Variants in SLC6A12 observed in about 807,000 individuals in gnomAD.
SLC6A12 encodes sodium- and chloride-dependent betaine transporter.
SLC6A12 carries 50 observed loss-of-function variants against 73.3 expected under a neutral mutation model. The observed-to-expected ratio is 0.68, with a 90% CI of 0.54 to 0.86. The LOEUF (loss-of-function observed/expected upper bound fraction) is 0.86, where lower values mean the gene tolerates loss of function less well. Ranked by LOEUF, SLC6A12 falls within the 40% of genes least tolerant of loss-of-function variation. The pLI is 0.00. For missense variants in SLC6A12, 648 were observed against 772.8 expected, an observed-to-expected ratio of 0.84 and a Z score of 1.92; for synonymous variants, 304 against 309.2, an observed-to-expected ratio of 0.98 and a Z score of 0.18.
chr12:200,166 T>G (rs536283273), intron 7 of SLC6A12, among the ~76,000 whole-genome samples: 2 of 144,272 alleles, frequency 1.4e-5, no homozygotes, highest in Non-Finnish European at 3.0e-5. Context: ...TGGAGTGCAG[T>G]GGCGCTATCT....
chr12:204,678 A>T lies in SLC6A12; in HGVS notation c.235T>A (p.Phe79Ile). Residue 79 changes from phenylalanine to isoleucine, a missense_variant, in exon 4 of 16, where the codon TTC becomes ATC. By Grantham distance (21) the Phe-to-Ile change is conservative. Transcript: ENST00000684302. The part of the protein sequence containing the change: ...NGGGAFFIPY[F>I]IFFFVCGIPV... ...ATGCCGCAGACAAAGAAGAAGATGA[A>T]GTAGGGGATGAAGAAGGCTCCTGCA... is the stretch of plus-strand genomic sequence containing the variant. 1 of 1,614,128 alleles carries T rather than the reference A, an allele frequency of 6.2e-7. No individual in the cohort carries two copies. The highest frequency in any genetic ancestry group is 8.5e-7 in the Non-Finnish European group (1 of 1,180,006).
chr12:204,218 C>T, intron 4 of SLC6A12: 1 of 268,886 alleles, frequency 3.7e-6, no homozygotes, highest in Non-Finnish European at 7.2e-6. Flanking sequence ...ACCCCGGGAG[C>T]ACCCAGAGCC....
chr12:210,371 G>T, intron 2 of SLC6A12: 1 of 1,116,976 alleles, frequency 9.0e-7, no homozygotes, highest in Non-Finnish European at 1.1e-6. Flanking sequence ...CGGCCCATCT[G>T]CCCAGGTCCT....
At chr12:203,145 G>A (rs1940386429) in intron 4 of SLC6A12, 2 of 225,380 alleles carry the variant, frequency 8.9e-6, no homozygotes, top group South Asian at 3.3e-4. Flanking sequence ...CGGCTCACTG[G>A]AACCTCCACT....
Position 213,733 on chromosome 12 carries a change from G to T in SLC6A12, c.-143+189C>A, listed in dbSNP as rs932556196. The T allele has an allele frequency of 1.3e-5, 2 of 152,554 alleles. No individual in the cohort carries two copies. Among genetic ancestry groups the T allele is most frequent in the African/African-American group, 4.8e-5 (2 of 41,460 alleles). 9.5% of individuals were successfully genotyped at this position (152,554 alleles called of 1,614,324 possible). A position where few individuals can be genotyped will look rare whatever the true frequency, so the allele number is the denominator to read the frequency against. On this transcript the variant is annotated intron_variant, in intron 1 of 15. Coordinates refer to ENST00000684302, the MANE Select transcript of SLC6A12 (RefSeq NM_001122848.3). The surrounding 1 kb of genome is among the most constrained non-coding windows in gnomAD (Gnocchi z 5.3). ...CACGCTGGATGGGGCGGAGCTAGGG[G>T]GCACCCCTTGTCCTGAGAGTCGTGG...
chr12:186,714 G>T (rs1404223598), downstream of SLC6A12, among the ~76,000 whole-genome samples: 1 of 152,234 alleles, frequency 6.6e-6, no homozygotes, highest in East Asian at 1.9e-4. Context: ...ACTCTGCCAC[G>T]TGGGCGCTGC....
rs367825245 is a variant in SLC6A12 at position 192,613 on chromosome 12, G to C, written c.1566C>G (p.Pro522=). The change falls in exon 15 of 16, where the codon CCC becomes CCG. Residue 522 remains proline (P), a synonymous_variant. Coordinates refer to ENST00000684302, the MANE Select transcript of SLC6A12 (RefSeq NM_001122848.3). ...ACACATAGACGTTGTTGTACTTGAGGGGGGTGTACTTGCTCAAGGAGAAGA... is the reference window on the plus strand; with the variant it reads ...ACACATAGACGTTGTTGTACTTGAGCGGGGTGTACTTGCTCAAGGAGAAGA... ...TFLFSLSKYT[P]LKYNNVYVYP... 3.7e-5 allele frequency: 60 copies of C among 1,614,018 alleles called. No homozygotes were observed. The highest frequency in any genetic ancestry group is 2.2e-4 in the Admixed American group (13 of 60,006).
chr12:194,302 C>G (rs1939759805), intron 13 of SLC6A12, among the ~76,000 whole-genome samples: 1 of 152,222 alleles, frequency 6.6e-6, no homozygotes, highest in Admixed American at 6.5e-5. Flanking sequence ...GGAACGTCTC[C>G]ATGGAGAGGA....
In SLC6A12 at chr12:197,385, G is replaced by A. The variant is rs1939975101; in HGVS notation, c.1067C>T (p.Ala356Val). 1 of 1,612,766 alleles carries A rather than the reference G, an allele frequency of 6.2e-7. No individual in the cohort carries two copies. Among genetic ancestry groups the A allele is most frequent in the East Asian group, 2.2e-5 (1 of 44,790 alleles). Reference protein sequence around the residue: ...QEQGVPISEVAESGPGLAFIA... With the variant: ...QEQGVPISEVVESGPGLAFIA... ...AGCAAAGTGGCACCTACCTGACTCG[G>A]CCACTTCAGAAATGGGCACCCCTTG... Residue 356 changes from alanine (A) to valine (V), a missense_variant, in exon 10 of 16, where the codon GCC (alanine) becomes GTC (valine). By Grantham distance (64) the Ala-to-Val change is moderately conservative. Coordinates refer to ENST00000684302, the MANE Select transcript of SLC6A12 (RefSeq NM_001122848.3).
Position 190,507 on chromosome 12 carries a change from T to C in SLC6A12, c.*561A>G, listed in dbSNP as rs1405738786. The C allele has an allele frequency of 6.6e-6, 1 of 152,196 alleles. No individual in the cohort carries two copies. The highest frequency in any genetic ancestry group is 1.5e-5 in the Non-Finnish European group (1 of 68,048). The allele number at this position is 152,196 out of a possible 1,614,324, so 9.4% of individuals were successfully genotyped here. On this transcript the variant is annotated 3_prime_UTR_variant, in exon 16 of 16. Coordinates refer to ENST00000684302, the MANE Select transcript of SLC6A12 (RefSeq NM_001122848.3). ...GCGGAACTAGGGCAGGAGCTGGAGA[T>C]GCCATGAGAGACTCGGAGGAAACTC...
intron 7 of SLC6A12, 27 bp downstream of exon 7, chr12:200,624 A>C: frequency 6.2e-7 from 1 of 1,610,368 alleles, no homozygotes; most frequent in South Asian, 1.1e-5. Context: ...GGCCAAAGGG[A>C]GCTTCCCAGG....
downstream of SLC6A12, among the ~76,000 whole-genome samples, chr12:186,049 C>G (rs7979093): frequency 0.11 from 16,589 of 152,170 alleles, 1,677 homozygotes; most frequent in African/African-American, 0.27. Flanking sequence ...ACAGCAAGGA[C>G]AGGGTGAGCC....
rs767747563 is a variant in SLC6A12 at position 195,278 on chromosome 12, ATGCCAC to A, written c.1370_1375del (p.Ser457_Gly458del). The A allele has an allele frequency of 5.6e-6, 9 of 1,613,716 alleles. No individual in the cohort carries two copies. Among genetic ancestry groups the A allele is most frequent in the Non-Finnish European group, 7.6e-6 (9 of 1,179,666 alleles). On this transcript the variant is annotated inframe_deletion, in exon 13 of 16. Coordinates refer to ENST00000684302, the MANE Select transcript of SLC6A12 (RefSeq NM_001122848.3). ...AAACAATGACAGGAACAGCAGGCAT[ATGCCAC>A]TGGAAGCATAGTAGTCAAACAGCTG...
In SLC6A12 at chr12:202,868, GCCAGACCAATGCCTT is replaced by G; in HGVS notation, c.350-3_361del. On this transcript the variant is annotated splice_acceptor_variant and splice_polypyrimidine_tract_variant and coding_sequence_variant and intron_variant, in exon 5 of 16. Coordinates refer to ENST00000684302, the MANE Select transcript of SLC6A12 (RefSeq NM_001122848.3). LOFTEE classifies it high-confidence loss of function. ...CAAATATGACTCGATGACCACAGAT[GCCAGACCAATGCCTT>G]CCAGAGTGGGGGAGAGATGGGGAGG... The G allele has an allele frequency of 6.2e-7, 1 of 1,613,856 alleles. No individual in the cohort carries two copies. The highest frequency in any genetic ancestry group is 8.5e-7 in the Non-Finnish European group (1 of 1,179,914).
At chr12:187,541 C>A (rs569363633), downstream of SLC6A12, among the ~76,000 whole-genome samples, 15 of 135,570 alleles carry the variant, frequency 1.1e-4, no homozygotes, top group African/African-American at 3.9e-4. Context: ...CTCATAAAGG[C>A]AGAGTAGACC....
At chr12:188,996 G>C (rs1461634776), downstream of SLC6A12, among the ~76,000 whole-genome samples, 2 of 152,222 alleles carry the variant, frequency 1.3e-5, no homozygotes, top group African/African-American at 2.4e-5. Context: ...GCTAAAGCCA[G>C]GGGGTCTGGG....
intron 4 of SLC6A12, 190 bp downstream of exon 4, chr12:204,374 C>T: frequency 1.6e-6 from 1 of 621,096 alleles, no homozygotes; most frequent in South Asian, 1.9e-5. Flanking sequence ...AGGGTCCCAG[C>T]TTGCTCGGGA....
At chr12:187,611 A>AC, downstream of SLC6A12, among the ~76,000 whole-genome samples, 1 of 15,914 alleles carries the variant, frequency 6.3e-5, no homozygotes, top group African/African-American at 9.5e-5. Context: ...AAAAAAAAAA[A>AC]AAAAAAAAAA....
At position 190,890 on chromosome 12, in the gene SLC6A12, G is replaced by T; in HGVS notation, c.*178C>A. On this transcript the variant is annotated 3_prime_UTR_variant, in exon 16 of 16. Coordinates refer to ENST00000684302, the MANE Select transcript of SLC6A12 (RefSeq NM_001122848.3). The stretch of plus-strand genomic sequence containing the variant: ...GGTGGTGTTATCAGCAAAGGGGAAG[G>T]AGCTGCTCCAGCTAGCACAAGAGAG... The T allele has an allele frequency of 2.3e-6, 1 of 429,346 alleles. No homozygotes were observed. The highest frequency in any genetic ancestry group is 3.9e-6 in the Non-Finnish European group (1 of 256,504). 26.6% of individuals were successfully genotyped at this position (429,346 alleles called of 1,614,324 possible).
Sources: gnomAD v4.1 joint callset for allele counts (sites outside exome capture counted in the v4.1 genomes callset) on GRCh38, gnomAD v4.1.1 for gene constraint, Gnocchi (gnomAD v3.1) non-coding constraint, MANE v1.5 for transcripts, NCBI Gene and HGNC (gene_info 2026-07-23, HGNC 2026-07-21) for gene names.